ZNF266: variants seen among roughly 807,000 people sequenced by gnomAD.
The protein encoded by ZNF266 is zinc finger protein 266, also known as zinc finger protein 1.
In ZNF266, 16 loss-of-function variants were observed where a neutral mutation model predicts 16.4. The ratio of observed to expected loss-of-function variants is 0.98; its 90% CI spans 0.66 to 1.48. The LOEUF is 1.48. Ranked by LOEUF, ZNF266 falls within the 40% of genes most tolerant of loss-of-function variation. The pLI is 0.00. For missense variants in ZNF266, 738 were observed against 689.1 expected, an observed-to-expected ratio of 1.07 and a Z score of -0.79; for synonymous variants, 262 against 237.9, an observed-to-expected ratio of 1.10 and a Z score of -0.93.
At chr19:9,423,961 C>A (rs1178267573) in intron 5 of ZNF266, among the ~76,000 whole-genome samples, 1 of 152,170 alleles carries the variant, frequency 6.6e-6, no homozygotes, top group Non-Finnish European at 1.5e-5. Context: ...TGTGCCACTG[C>A]ACTCCAGCCT....
rs1568409443 is a variant in ZNF266 at position 9,418,721 on chromosome 19, CACA to C, written c.109-93_109-91del. 4.5e-6 allele frequency: 3 copies of C among 661,782 alleles called. No homozygotes were observed. The African/African-American group carries it at 5.4e-5, about 12-fold the overall frequency. 41.0% of individuals were successfully genotyped at this position (661,782 alleles called of 1,614,324 possible). ...GCAATACCTACAGAGTCTGAGGGCT[CACA>C]TTGCCCACCCCAGGAGGTCCTCTCT... On this transcript the variant is annotated intron_variant, in intron 7 of 10. Coordinates refer to ENST00000592904, the MANE Select transcript of ZNF266 (RefSeq NM_001370374.1).
At chr19:9,428,315 C>G (rs369309375) in intron 5 of ZNF266, among the ~76,000 whole-genome samples, 1 of 152,202 alleles carries the variant, frequency 6.6e-6, no homozygotes, top group South Asian at 2.1e-4. Flanking sequence ...CAATCTCAGG[C>G]CCTTGGGTCT....
intron 7 of ZNF266, 31 bp downstream of exon 7, chr19:9,419,186 T>C (rs2069482339): frequency 6.5e-6 from 1 of 154,642 alleles, no homozygotes; most frequent in African/African-American, 2.4e-5. Flanking sequence ...GCAAGTATGA[T>C]ATTTTGGAGA....
intron 10 of ZNF266, among the ~76,000 whole-genome samples, 153 bp from the exon 11 acceptor site, chr19:9,414,873 C>G (rs577940703): frequency 6.6e-6 from 1 of 152,178 alleles, no homozygotes; most frequent in Non-Finnish European, 1.5e-5. Flanking sequence ...TTCTTTCCAG[C>G]GGAATGACAA....
Position 9,413,362 on chromosome 19 carries a change from T to C in ZNF266, c.1764A>G (p.Glu588=), listed in dbSNP as rs757790911. The C allele has an allele frequency of 4.6e-5, 75 of 1,613,998 alleles. No individual in the cohort carries two copies. The highest frequency in any genetic ancestry group is 6.0e-5 in the Non-Finnish European group (71 of 1,179,996). The change falls in exon 11 of 11, where the codon GAA becomes GAG. Residue 588 remains glutamate, a synonymous_variant. Coordinates refer to ENST00000592904, the MANE Select transcript of ZNF266 (RefSeq NM_001370374.1). ...ERTHTGEKPY[E]CKECGKAFSS... ...TGAAGGCTTTCCCGCACTCCTTACA[T>C]TCATAGGGTTTCTCTCCAGTGTGAG...
chr19:9,415,140 C>T (rs2068784419), intron 10 of ZNF266, among the ~76,000 whole-genome samples: 1 of 152,140 alleles, frequency 6.6e-6, no homozygotes, highest in Non-Finnish European at 1.5e-5. Context: ...ACTAAAAGTA[C>T]AAAAACTAGC....
intron 5 of ZNF266, among the ~76,000 whole-genome samples, chr19:9,428,939 G>A (rs2123388727): frequency 6.6e-6 from 1 of 151,660 alleles, no homozygotes; most frequent in African/African-American, 2.4e-5. Flanking sequence ...TCGCTATGTT[G>A]CCCAGGCTGG....
intron 5 of ZNF266, among the ~76,000 whole-genome samples, chr19:9,424,201 A>G (rs1321784757): frequency 6.8e-6 from 1 of 145,992 alleles, no homozygotes. Flanking sequence ...TGGGCTTCAT[A>G]TACCACTAAA....
chr19:9,429,322 C>T (rs543700026), intron 5 of ZNF266, among the ~76,000 whole-genome samples: 1 of 152,118 alleles, frequency 6.6e-6, no homozygotes, highest in South Asian at 2.1e-4. Context: ...CCCAGAGGCC[C>T]GGCAGCTGCT....
At chr19:9,423,623 C>T (rs1175381578) in intron 5 of ZNF266, among the ~76,000 whole-genome samples, 3 of 152,136 alleles carry the variant, frequency 2.0e-5, no homozygotes, top group East Asian at 3.9e-4. Context: ...AATTCTGACT[C>T]ACAGGTCAAG....
At chr19:9,429,850 G>A (rs1054991081) in intron 5 of ZNF266, among the ~76,000 whole-genome samples, 4 of 152,040 alleles carry the variant, frequency 2.6e-5, no homozygotes, top group Non-Finnish European at 4.4e-5. Context: ...GCCTCATGTC[G>A]GTAAACTCCT....
At chr19:9,431,480 G>A (rs1432692254) in intron 5 of ZNF266, among the ~76,000 whole-genome samples, 5 of 152,156 alleles carry the variant, frequency 3.3e-5, no homozygotes, top group Admixed American at 1.3e-4. Context: ...AAAGGCCTCC[G>A]AACGTGAACA....
At chr19:9,418,973 C>G (rs2069452995) in intron 7 of ZNF266, 2 of 177,096 alleles carry the variant, frequency 1.1e-5, no homozygotes, top group South Asian at 2.8e-4. Flanking sequence ...AAAATAAAAA[C>G]TATGCAGTTG....
chr19:9,430,475 C>G (rs936600130), intron 5 of ZNF266, among the ~76,000 whole-genome samples: 1 of 152,178 alleles, frequency 6.6e-6, no homozygotes, highest in African/African-American at 2.4e-5. Flanking sequence ...CCTATCCAAC[C>G]ACACCACTCT....
intron 6 of ZNF266, chr19:9,419,816 G>C (rs556468913): frequency 6.6e-6 from 1 of 151,124 alleles, no homozygotes; most frequent in Admixed American, 6.6e-5. Flanking sequence ...CAGGAAAATC[G>C]CTTGAACCTG....
In ZNF266 at chr19:9,413,327, C is replaced by A. The variant is rs765035509; in HGVS notation, c.1799G>T (p.Ser600Ile). 9.3e-6 allele frequency: 15 copies of A among 1,609,464 alleles called. No individual in the cohort carries two copies. The highest frequency in any genetic ancestry group is 1.3e-5 in the African/African-American group (1 of 74,714). The change falls in exon 11 of 11, where the codon AGT becomes ATT. Residue 600 changes from serine (S) to isoleucine (I), a missense_variant. Transcript: ENST00000592904. ...KECGKAFSSS[S>I]SFRNHERRHA... ...CCTTCTTTCATGATTTCGAAAGGAA[C>A]TGGAAGAACTGAAGGCTTTCCCGCA... is the stretch of plus-strand genomic sequence containing the variant.
Position 9,413,275 on chromosome 19 carries a change from T to C in ZNF266, c.1851A>G (p.Ter617=). 1 of 1,573,834 alleles carries C rather than the reference T, an allele frequency of 6.4e-7. No individual in the cohort carries two copies. Among genetic ancestry groups the C allele is most frequent in the South Asian group, 1.2e-5 (1 of 83,376 alleles). ...ACACCTTTAGGTTTTCCCACATTCC[T>C]TATGCTGACAGTCTCTCATCCGCAT... ...RRHADERLSA[*] The change falls in exon 11 of 11, where the codon TAA becomes TAG. Residue 617 remains the stop codon, a stop_retained_variant. Transcript: ENST00000592904.
At chr19:9,423,518 C>A (rs747574447) in intron 5 of ZNF266, among the ~76,000 whole-genome samples, 14 of 152,188 alleles carry the variant, frequency 9.2e-5, no homozygotes, top group Non-Finnish European at 2.1e-4. Context: ...CCATCACACA[C>A]CCCATCACTC....
chr19:9,433,300 T>C (rs2071919644), intron 5 of ZNF266, among the ~76,000 whole-genome samples: 1 of 152,160 alleles, frequency 6.6e-6, no homozygotes, highest in Non-Finnish European at 1.5e-5. Flanking sequence ...GCAGGTGAGT[T>C]TTCTGGTCAT....
Sources: allele counts gnomAD v4.1 joint callset (sites outside exome capture counted in the v4.1 genomes callset), GRCh38; gene constraint gnomAD v4.1.1; transcripts MANE v1.5; gene names NCBI Gene and HGNC (gene_info 2026-07-23, HGNC 2026-07-21).